WNK1: variants seen among roughly 807,000 people sequenced by gnomAD.
WNK1 encodes serine/threonine-protein kinase WNK1.
In WNK1, 38 loss-of-function variants were observed where a neutral mutation model predicts 222.8. That is an observed-to-expected ratio of 0.17 (90% CI 0.13 to 0.22). WNK1 has a LOEUF of 0.22. Among genes scored for constraint, WNK1 ranks in the 10% least tolerant of loss-of-function variants. The pLI is 1.00. For synonymous variants in WNK1, 1,090 were observed against 1,092.9 expected, an observed-to-expected ratio of 1.00 and a Z score of 0.05; for missense variants, 2,348 against 2,918.4, an observed-to-expected ratio of 0.80 and a Z score of 4.50.
chr12:831,307 G>A (rs573026194), intron 4 of WNK1, among the ~76,000 whole-genome samples: 1 of 152,108 alleles, frequency 6.6e-6, no homozygotes, highest in South Asian at 2.1e-4. Context: ...GGAGGCCGAG[G>A]CAGGTGGATC....
intron 11 of WNK1, among the ~76,000 whole-genome samples, chr12:880,470 T>C (rs1953044441): frequency 6.6e-6 from 1 of 152,224 alleles, no homozygotes; most frequent in African/African-American, 2.4e-5. Flanking sequence ...GTTCCTCCTA[T>C]TTAAATCATC....
chr12:806,447 G>A (rs1490011531), intron 1 of WNK1, among the ~76,000 whole-genome samples: 1 of 152,170 alleles, frequency 6.6e-6, no homozygotes, highest in African/African-American at 2.4e-5. Flanking sequence ...GAATCCTTTC[G>A]TAACAAGTGC....
chr12:908,861 G>GGGGGGGGGGGGGGGGCCCC lies in WNK1; in HGVS notation c.*69_*70insGGGGGGGGGGGGGGGCCCC. 1 of 491,844 alleles carries GGGGGGGGGGGGGGGGCCCC rather than the reference G, an allele frequency of 2.0e-6. No individual in the cohort carries two copies. The highest frequency in any genetic ancestry group is 4.1e-6 in the Non-Finnish European group (1 of 241,770). 30.5% of individuals were successfully genotyped at this position (491,844 alleles called of 1,614,324 possible). ...ATGCTGAGGGGGTGGGTGGGGGTGG[G>GGGGGGGGGGGGGGGGCCCC]AAGTAGCCTATATACTAACTACTAG... On this transcript the variant is annotated 3_prime_UTR_variant, in exon 28 of 28. Transcript: ENST00000315939.
At chr12:781,097 C>G (rs1476703086) in intron 1 of WNK1, 1 of 120,914 alleles carries the variant, frequency 8.3e-6, no homozygotes, top group African/African-American at 2.6e-5. Context: ...TGTTTTATTT[C>G]GTTAACAACA....
chr12:860,031 G>A (rs1231323006), intron 6 of WNK1, among the ~76,000 whole-genome samples: 1 of 151,970 alleles, frequency 6.6e-6, no homozygotes, highest in African/African-American at 2.4e-5. Flanking sequence ...TTATTTTTGA[G>A]AAAATATGTA....
At chr12:848,171 C>G (rs192079075) in intron 4 of WNK1, among the ~76,000 whole-genome samples, 1 of 152,266 alleles carries the variant, frequency 6.6e-6, no homozygotes, top group Admixed American at 6.5e-5. Flanking sequence ...AGGAAGGACT[C>G]TTAATCTGGT....
chr12:870,486 G>A (rs1952049544), intron 8 of WNK1, among the ~76,000 whole-genome samples: 2 of 152,136 alleles, frequency 1.3e-5, no homozygotes, highest in Admixed American at 1.3e-4. Context: ...AAAAGTGGTA[G>A]CCTTTTCATT....
chr12:883,701 A>G (rs1212345756), intron 16 of WNK1, 73 bp from the exon 17 acceptor site: 4 of 1,599,172 alleles, frequency 2.5e-6, no homozygotes, highest in East Asian at 2.2e-5. Flanking sequence ...TTCTCTTCAC[A>G]TGTGGCAGTT....
At chr12:852,465 A>G (rs780981974) in intron 4 of WNK1, among the ~76,000 whole-genome samples, 5 of 152,196 alleles carry the variant, frequency 3.3e-5, no homozygotes, top group Non-Finnish European at 7.4e-5. Context: ...ACTACTGCCT[A>G]AAGATAACTC....
At chr12:875,279 C>T (rs961655817) in intron 9 of WNK1, among the ~76,000 whole-genome samples, 2 of 152,070 alleles carry the variant, frequency 1.3e-5, no homozygotes, top group African/African-American at 2.4e-5. Flanking sequence ...CAAATTTATC[C>T]GTTAGAAAAG....
chr12:780,187 C>T (rs1210184714), intron 1 of WNK1, among the ~76,000 whole-genome samples: 1 of 152,142 alleles, frequency 6.6e-6, no homozygotes, highest in African/African-American at 2.4e-5. Flanking sequence ...TAACTTCTGT[C>T]CTTAACATGT....
intron 1 of WNK1, among the ~76,000 whole-genome samples, chr12:769,449 G>T (rs1032612473): frequency 1.3e-5 from 2 of 152,172 alleles, no homozygotes; most frequent in Non-Finnish European, 2.9e-5. Flanking sequence ...TGATCTTCCC[G>T]TCTCAGCCTC....
chr12:849,884 A>G (rs1161695633), intron 4 of WNK1, among the ~76,000 whole-genome samples: 2 of 152,144 alleles, frequency 1.3e-5, no homozygotes, highest in East Asian at 3.8e-4. Context: ...ATGTCCCTAC[A>G]AAGGACATGA....
In WNK1 at chr12:837,588, A is replaced by AAG. The variant is rs1555117642; in HGVS notation, c.1311+7429_1311+7430insGA. ...GACCCTGTCTAAAAAAAAAAAAAAA[A>AAG]AAAAGAAAAGAAAAGAAAAAAGATA... On this transcript the variant is annotated intron_variant, in intron 4 of 27. Transcript: ENST00000315939. Among the ~76,000 whole-genome samples, 549 of 133,460 alleles carry AAG rather than the reference A, an allele frequency of 4.1e-3. 3 individuals are homozygous for AAG. Among genetic ancestry groups the AAG allele is most frequent in the Admixed American group, 0.012 (152 of 12,514 alleles). The allele number at this position is 133,460 out of a possible 152,430, so 87.6% of individuals were successfully genotyped here. A position where few individuals can be genotyped will look rare whatever the true frequency, so the allele number is the denominator to read the frequency against.
chr12:836,546 T>C (rs1401063292), intron 4 of WNK1, among the ~76,000 whole-genome samples: 1 of 152,232 alleles, frequency 6.6e-6, no homozygotes, highest in African/African-American at 2.4e-5. Flanking sequence ...CTTTCTTAAG[T>C]GTAATGAGGC....
At chr12:769,738 G>A (rs180747818) in intron 1 of WNK1, among the ~76,000 whole-genome samples, 276 of 152,192 alleles carry the variant, frequency 1.8e-3, no homozygotes, top group African/African-American at 6.1e-3. Context: ...GTTCATTTGC[G>A]CTACTATAAC....
intron 1 of WNK1, among the ~76,000 whole-genome samples, chr12:805,297 A>G (rs889049846): frequency 6.6e-6 from 1 of 152,024 alleles, no homozygotes; most frequent in African/African-American, 2.4e-5. Flanking sequence ...TTGCTTCCCT[A>G]CTGGCCCTTT....
At position 757,320 on chromosome 12, in the gene WNK1, TTTTTTTTTTTTTTAA is replaced by T. The variant is rs1162556071; in HGVS notation, c.759+2997_759+3011del. Among the ~76,000 whole-genome samples the T allele has an allele frequency of 1.2e-3, 118 of 98,192 alleles. 1 individual carries two copies. The highest frequency in any genetic ancestry group is 3.6e-3 in the African/African-American group (113 of 30,988). 64.4% of individuals were successfully genotyped at this position (98,192 alleles called of 152,430 possible). A position where few individuals can be genotyped will look rare whatever the true frequency, so the allele number is the denominator to read the frequency against. Reference sequence around the variant, plus strand: ...AACAAGCATCAATTCTTTTTTTTTTTTTTTTTTTTTTTTAAAAAAAAAAAGAGACGGAGTCTTGCT... The same window carrying T: ...AACAAGCATCAATTCTTTTTTTTTTTAAAAAAAAAGAGACGGAGTCTTGCT... On this transcript the variant is annotated intron_variant, in intron 1 of 27. Coordinates refer to ENST00000315939, the MANE Select transcript of WNK1 (RefSeq NM_018979.4).
chr12:789,264 A>G (rs934196491), intron 1 of WNK1, among the ~76,000 whole-genome samples: 1 of 152,128 alleles, frequency 6.6e-6, no homozygotes. Context: ...CTGAAGTACA[A>G]AACCCCAATG....
Sources: gnomAD v4.1 joint callset for allele counts (sites outside exome capture counted in the v4.1 genomes callset) on GRCh38, gnomAD v4.1.1 for gene constraint, MANE v1.5 for transcripts, NCBI Gene and HGNC (gene_info 2026-07-23, HGNC 2026-07-21) for gene names.